CAPN15: variants seen among roughly 807,000 people sequenced by gnomAD.
The protein encoded by CAPN15 is calpain-15.
Under a neutral mutation model 97.9 loss-of-function variants are expected in CAPN15, and 53 were observed. The observed-to-expected ratio is 0.54, with a 90% confidence interval of 0.43 to 0.68. CAPN15 has a LOEUF of 0.68. Among genes scored for constraint, CAPN15 ranks in the 30% least tolerant of loss-of-function variants. The pLI is 0.00. For synonymous variants in CAPN15, 922 were observed against 722.5 expected, an observed-to-expected ratio of 1.28 and a Z score of -4.43; for missense variants, 1,592 against 1,589.8, an observed-to-expected ratio of 1.00 and a Z score of -0.02.
intron 2 of CAPN15, among the ~76,000 whole-genome samples, chr16:534,780 C>T (rs1406633249): frequency 6.6e-6 from 1 of 152,310 alleles, no homozygotes; most frequent in Non-Finnish European, 1.5e-5. Context: ...CACAGGGGCC[C>T]CCGCTTTCCA....
At chr16:529,685 T>C (rs1321336010) in intron 1 of CAPN15, among the ~76,000 whole-genome samples, 1 of 152,116 alleles carries the variant, frequency 6.6e-6, no homozygotes, top group Non-Finnish European at 1.5e-5. Flanking sequence ...ATGCCTCTAC[T>C]CATGGCAACA....
chr16:532,274 T>G (rs1596317587), intron 1 of CAPN15, among the ~76,000 whole-genome samples: 1 of 147,224 alleles, frequency 6.8e-6, no homozygotes. Flanking sequence ...TAGAATTCGG[T>G]TGGGCTCAGT....
Position 528,006 on chromosome 16 carries a change from A to C in CAPN15, c.-213A>C, listed in dbSNP as rs2141933328. Reference sequence around the variant, plus strand: ...CCGCGCTGCCCGGGCCGCGAGGACGAGGCGGCGCCGCCGGGCTGTGGAGGT... The same window carrying C: ...CCGCGCTGCCCGGGCCGCGAGGACGCGGCGGCGCCGCCGGGCTGTGGAGGT... On this transcript the variant is annotated 5_prime_UTR_variant, in exon 1 of 14. Coordinates refer to ENST00000219611, the MANE Select transcript of CAPN15 (RefSeq NM_005632.3). The C allele has an allele frequency of 7.2e-6, 1 of 138,630 alleles. No individual in the cohort carries two copies. Among genetic ancestry groups the C allele is most frequent in the South Asian group, 2.3e-4 (1 of 4,266 alleles). 8.6% of individuals were successfully genotyped at this position (138,630 alleles called of 1,614,324 possible).
Position 552,121 on chromosome 16 carries a change from C to T in CAPN15, c.2416C>T (p.Pro806Ser). The T allele has an allele frequency of 2.6e-6, 4 of 1,548,460 alleles. No homozygotes were observed. Among genetic ancestry groups the T allele is most frequent in the Non-Finnish European group, 3.5e-6 (4 of 1,146,566 alleles). Reference sequence around the variant, plus strand: ...GGAGGCGCGGGTGCAGGGCTGCTTTCCCAGCTCGGCCAGCGCGCCCGTGGG... The same window carrying T: ...GGAGGCGCGGGTGCAGGGCTGCTTTTCCAGCTCGGCCAGCGCGCCCGTGGG... Reference protein sequence around the residue: ...WQEARVQGCFPSSASAPVGVT... With the variant: ...WQEARVQGCFSSSASAPVGVT... Residue 806 changes from proline (P) to serine (S), a missense_variant, in exon 10 of 14, where the codon CCC (proline) becomes TCC (serine). Physicochemically the swap from Pro to Ser is moderately conservative, Grantham distance 74 (BLOSUM62 -1). Coordinates refer to ENST00000219611, the MANE Select transcript of CAPN15 (RefSeq NM_005632.3). This position sits in a 1 kb window ranked among gnomAD's most constrained non-coding sequence, Gnocchi z 6.4.
At chr16:550,969 G>C (rs1245877851) in intron 7 of CAPN15, among the ~76,000 whole-genome samples, 1 of 121,916 alleles carries the variant, frequency 8.2e-6, no homozygotes, top group African/African-American at 3.8e-5. Flanking sequence ...CCCGGTCGGT[G>C]AGGGTCCCCT....
In CAPN15 at chr16:544,839, C is replaced by CGT. The variant is rs2034463363; in HGVS notation, c.-22-1978_-22-1977insGT. ...CCCCCACGTCGCCTCCCCCACGTCG[C>CGT]CTCCCCCACGTCGCCTCCCCCACGT... On this transcript the variant is annotated intron_variant, in intron 3 of 13. Coordinates refer to ENST00000219611, the MANE Select transcript of CAPN15 (RefSeq NM_005632.3). Among the ~76,000 whole-genome samples the CGT allele has an allele frequency of 7.2e-5, 6 of 82,806 alleles. 1 individual carries two copies. Among genetic ancestry groups the CGT allele is most frequent in the Admixed American group, 2.4e-4 (2 of 8,510 alleles). 54.3% of individuals were successfully genotyped at this position (82,806 alleles called of 152,430 possible).
rs774990738 is a variant in CAPN15 at position 547,201 on chromosome 16, G to A, written c.363G>A (p.Gly121=). ...AGLVATEPAR[G]QCEDKDEEEK... ...TGGTGGCCACGGAGCCCGCCAGGGG[G>A]CAGTGCGAGGACAAGGACGAGGAGG... The change falls in exon 4 of 14, where the codon GGG becomes GGA. Residue 121 remains glycine, a synonymous_variant. Transcript: ENST00000219611. 1.3e-6 allele frequency: 2 copies of A among 1,531,134 alleles called. No homozygotes were observed. Among genetic ancestry groups the A allele is most frequent in the South Asian group, 1.2e-5 (1 of 80,806 alleles). 94.8% of individuals were successfully genotyped at this position (1,531,134 alleles called of 1,614,324 possible).
In CAPN15 at chr16:548,122, G is replaced by A. The variant is rs747632667; in HGVS notation, c.1284G>A (p.Arg428=). The change falls in exon 4 of 14, where the codon CGG becomes CGA. Residue 428 remains arginine (R), a synonymous_variant. Coordinates refer to ENST00000219611, the MANE Select transcript of CAPN15 (RefSeq NM_005632.3). ...CPACTLLNAL[R]AKHCAACHTP... is the part of the protein sequence containing the mutation. ...CCTGTACCCTGCTCAACGCACTGCG[G>A]GCCAAGCACTGCGCCGCCTGCCACA... 2.9e-5 allele frequency: 44 copies of A among 1,535,300 alleles called. No individual in the cohort carries two copies. Among genetic ancestry groups the A allele is most frequent in the Non-Finnish European group, 3.7e-5 (42 of 1,142,218 alleles).
chr16:539,546 A>C (rs923010407), intron 3 of CAPN15: 2 of 152,096 alleles, frequency 1.3e-5, no homozygotes, highest in African/African-American at 4.8e-5. Context: ...GCCCCTCTGG[A>C]GGGGAGACCC....
Position 552,239 on chromosome 16 carries a change from T to C in CAPN15, c.2507+27T>C, listed in dbSNP as rs1357657597. 12 of 1,532,850 alleles carry C rather than the reference T, an allele frequency of 7.8e-6. No homozygotes were observed. The East Asian group carries it at 2.9e-4, about 38-fold the overall frequency. The allele number at this position is 1,532,850 out of a possible 1,614,324, so 95.0% of individuals were successfully genotyped here. A position where few individuals can be genotyped will look rare whatever the true frequency, so the allele number is the denominator to read the frequency against. On this transcript the variant is annotated intron_variant, in intron 10 of 13. Coordinates refer to ENST00000219611, the MANE Select transcript of CAPN15 (RefSeq NM_005632.3). The surrounding 1 kb of genome is among the most constrained non-coding windows in gnomAD (Gnocchi z 6.4). ...TGGGTGCTGCGGGGCCCCATCGGGC[T>C]GGGCTGGGCTAGGCTGGCGGCCGTG... is the stretch of plus-strand genomic sequence containing the variant.
chr16:544,700 C>A (rs1438534065), intron 3 of CAPN15, among the ~76,000 whole-genome samples: 2 of 136,940 alleles, frequency 1.5e-5, no homozygotes, highest in African/African-American at 5.8e-5. Context: ...TCGCCTCCCC[C>A]ACGTCGCCTC....
chr16:544,696 C>A (rs552661820), intron 3 of CAPN15, among the ~76,000 whole-genome samples: 2 of 142,474 alleles, frequency 1.4e-5, no homozygotes, highest in East Asian at 4.2e-4. Context: ...CCCGTCGCCT[C>A]CCCCACGTCG....
chr16:552,254 T>C lies in CAPN15; in HGVS notation c.2507+42T>C. 6.5e-7 allele frequency: 1 copy of C among 1,534,886 alleles called. No individual in the cohort carries two copies. The highest frequency in any genetic ancestry group is 8.8e-7 in the Non-Finnish European group (1 of 1,140,036). On this transcript the variant is annotated intron_variant, in intron 10 of 13. Transcript: ENST00000219611. The surrounding 1 kb of genome is among the most constrained non-coding windows in gnomAD (Gnocchi z 6.4). ...CCCATCGGGCTGGGCTGGGCTAGGC[T>C]GGCGGCCGTGACCACGCGTGACCCT...
rs2033073492 is a variant in CAPN15, at chr16:529,253, G to A, written c.-190+1224G>A. 2.0e-5 allele frequency among the ~76,000 whole-genome samples: 3 copies of A among 152,156 alleles called. 1 individual carries two copies. In the South Asian group the frequency reaches 6.2e-4, roughly 31 times the overall value. ...CCCGAGGCTCAGTAACTGCATAACT[G>A]CGCAGGGCCTCTTGTCTGGGCCTCC... On this transcript the variant is annotated intron_variant, in intron 1 of 13. Coordinates refer to ENST00000219611, the MANE Select transcript of CAPN15 (RefSeq NM_005632.3).
intron 1 of CAPN15, among the ~76,000 whole-genome samples, chr16:530,702 G>C (rs1300254712): frequency 6.6e-6 from 1 of 152,210 alleles, no homozygotes; most frequent in Non-Finnish European, 1.5e-5. Flanking sequence ...TAGGACAGGG[G>C]CTGCTGCTGG....
At chr16:536,003 G>GCCCCCCCCCCCCC (rs34150277) in intron 2 of CAPN15, 26 bp from the exon 3 acceptor site, 1 of 34,082 alleles carries the variant, frequency 2.9e-5, no homozygotes, top group Non-Finnish European at 4.4e-5. Context: ...GCCCCTGCAC[G>GCCCCCCCCCCCCC]CCCCCCCCCC....
rs755065763 is a variant in CAPN15 at position 552,592 on chromosome 16, C to T, written c.2738-13C>T. The stretch of plus-strand genomic sequence containing the variant: ...CACGGGGAGGGCTGCGGTTCACACG[C>T]CCGTCCTTGTAGCCTCCAGCCCCTC... On this transcript the variant is annotated splice_polypyrimidine_tract_variant and intron_variant, in intron 11 of 13. Transcript: ENST00000219611. The surrounding 1 kb of genome is among the most constrained non-coding windows in gnomAD (Gnocchi z 6.4). 2.2e-5 allele frequency: 34 copies of T among 1,547,384 alleles called. No individual in the cohort carries two copies. The Middle Eastern group carries it at 5.0e-4, about 23-fold the overall frequency.
In CAPN15 at chr16:551,088, GCCCCGGTCGGTGAGGGT is replaced by G. The variant is rs1567157731; in HGVS notation, c.2067-197_2067-181del. On this transcript the variant is annotated intron_variant, in intron 7 of 13. Coordinates refer to ENST00000219611, the MANE Select transcript of CAPN15 (RefSeq NM_005632.3). Reference sequence around the variant, plus strand: ...TCGGTGAGGTCCCCGGTCGGTGAGGGCCCCGGTCGGTGAGGGTCCCCGGTCGGTGAGGGCCCCTGTTG... The same window carrying G: ...TCGGTGAGGTCCCCGGTCGGTGAGGGCCCCGGTCGGTGAGGGCCCCTGTTG... Among the ~76,000 whole-genome samples the G allele has an allele frequency of 3.1e-4, 40 of 127,244 alleles. 1 individual carries two copies. The highest frequency in any genetic ancestry group is 1.2e-3 in the South Asian group (5 of 4,154). The allele number at this position is 127,244 out of a possible 152,430, so 83.5% of individuals were successfully genotyped here.
intron 3 of CAPN15, chr16:540,073 TTG>T (rs1157098774): frequency 5.1e-6 from 5 of 985,090 alleles, no homozygotes; most frequent in East Asian, 1.1e-4. Context: ...TTTATTTTTG[TTG>T]TGTGTCACTC....
Sources: allele counts gnomAD v4.1 joint callset (sites outside exome capture counted in the v4.1 genomes callset), GRCh38; gene constraint gnomAD v4.1.1; non-coding constraint Gnocchi (gnomAD v3.1); transcripts MANE v1.5; gene names NCBI Gene and HGNC (gene_info 2026-07-23, HGNC 2026-07-21).